TTC21B: variants seen among roughly 807,000 people sequenced by gnomAD.
TTC21B encodes tetratricopeptide repeat domain 21B.
TTC21B carries 127 observed loss-of-function variants against 175.1 expected under a neutral mutation model. That is an observed-to-expected ratio of 0.73 (90% CI 0.63 to 0.84). The LOEUF (loss-of-function observed/expected upper bound fraction) is 0.84. TTC21B is among the 40% of genes least tolerant of loss of function. The pLI is 0.00. For missense variants in TTC21B, 1,561 were observed against 1,558.3 expected (o/e 1.00, Z -0.03); for synonymous variants, 524 against 524.5 (o/e 1.00, Z 0.01).
At chr2:165,931,935 A>C (rs1258204199) in intron 7 of TTC21B, 79 bp from the exon 8 acceptor site, 10 of 911,434 alleles carry the variant, frequency 1.1e-5, no homozygotes, top group Non-Finnish European at 1.8e-5. Flanking sequence ...ACACTAACAA[A>C]GCATTACCCT....
In TTC21B at chr2:165,890,576, C is replaced by T; in HGVS notation, c.3166G>A (p.Gly1056Ser). 1 of 1,613,628 alleles carries T rather than the reference C, an allele frequency of 6.2e-7. No homozygotes were observed. The highest frequency in any genetic ancestry group is 8.5e-7 in the Non-Finnish European group (1 of 1,179,716). Reference sequence around the variant, plus strand: ...ATCATATTATAAAGGGCATTTTGGCCCCAGTCACGATCTTTCCGAGCTTTA... The same window carrying T: ...ATCATATTATAAAGGGCATTTTGGCTCCAGTCACGATCTTTCCGAGCTTTA... ...FNKARKDRDW[G>S]QNALYNMIEI... The change falls in exon 24 of 29, where the codon GGC becomes AGC. Residue 1056 changes from glycine to serine, a missense_variant. By Grantham distance (56) the Gly-to-Ser change is moderately conservative. Coordinates refer to ENST00000243344, the MANE Select transcript of TTC21B (RefSeq NM_024753.5).
chr2:165,940,983 A>G (rs751310723), intron 6 of TTC21B, 44 bp downstream of exon 6: 8 of 1,609,450 alleles, frequency 5.0e-6, no homozygotes, highest in East Asian at 4.5e-5. Context: ...TCTCAAAATT[A>G]TAACCAAATC....
At chr2:165,892,332 C>T (rs1391512328) in intron 22 of TTC21B, among the ~76,000 whole-genome samples, 6 of 152,108 alleles carry the variant, frequency 3.9e-5, no homozygotes, top group Non-Finnish European at 8.8e-5. Flanking sequence ...AAAGAGATGA[C>T]ACCATGTAAT....
At chr2:165,923,112 T>C (rs1002873048) in intron 12 of TTC21B, among the ~76,000 whole-genome samples, 1 of 152,046 alleles carries the variant, frequency 6.6e-6, no homozygotes, top group African/African-American at 2.4e-5. Flanking sequence ...GGGTGTGGGA[T>C]AGAAAGCTTC....
chr2:165,922,860 A>C (rs1686468892), intron 12 of TTC21B, among the ~76,000 whole-genome samples: 1 of 152,212 alleles, frequency 6.6e-6, no homozygotes, highest in Non-Finnish European at 1.5e-5. Context: ...ATGAGTGGAC[A>C]AATAAAATGT....
intron 5 of TTC21B, among the ~76,000 whole-genome samples, chr2:165,943,002 T>C (rs1410401481): frequency 5.9e-5 from 9 of 152,196 alleles, no homozygotes; most frequent in Admixed American, 5.9e-4. Flanking sequence ...CAATTAACAG[T>C]TACAGCTGAT....
intron 1 of TTC21B, chr2:165,949,962 C>CT: frequency 2.7e-6 from 1 of 376,100 alleles, no homozygotes; most frequent in Non-Finnish European, 4.7e-6. Context: ...ATTATTTTTC[C>CT]TAAGTTTTTG....
chr2:165,946,742 C>G lies in TTC21B; in HGVS notation c.263-1052G>C, dbSNP rs192002778. Among the ~76,000 whole-genome samples, 258 of 151,938 alleles carry G rather than the reference C, an allele frequency of 1.7e-3. 1 individual carries two copies. Among genetic ancestry groups the G allele is most frequent in the Non-Finnish European group, 3.2e-3 (218 of 67,960 alleles). ...ATCCCAACTACTTGGGAGGCTGAGG[C>G]AGGGAGAATTGCTTGAACCCAGGAG... On this transcript the variant is annotated intron_variant, in intron 3 of 28. Coordinates refer to ENST00000243344, the MANE Select transcript of TTC21B (RefSeq NM_024753.5).
chr2:165,950,944 G>A (rs1175785701), intron 1 of TTC21B, among the ~76,000 whole-genome samples: 1 of 152,028 alleles, frequency 6.6e-6, no homozygotes, highest in African/African-American at 2.4e-5. Context: ...GCTTCTGGAG[G>A]GCTATAGTCC....
At chr2:165,917,098 C>T (rs1034569704) in intron 14 of TTC21B, among the ~76,000 whole-genome samples, 159 bp downstream of exon 14, 5 of 152,104 alleles carry the variant, frequency 3.3e-5, no homozygotes, top group Admixed American at 2.0e-4. Context: ...AGGCTGGTCT[C>T]GAACTCCTGA....
At chr2:165,887,873 T>C (rs929721843) in intron 25 of TTC21B, among the ~76,000 whole-genome samples, 2 of 152,186 alleles carry the variant, frequency 1.3e-5, no homozygotes, top group African/African-American at 2.4e-5. Context: ...CATGTAGCTA[T>C]ATAGCTGGAA....
chr2:165,883,057 C>T (rs748917061), intron 26 of TTC21B, among the ~76,000 whole-genome samples: 10 of 151,876 alleles, frequency 6.6e-5, no homozygotes, highest in Non-Finnish European at 1.0e-4. Flanking sequence ...AAAAAATAAA[C>T]GGTCCATTTG....
chr2:165,916,246 G>C (rs903867176), intron 14 of TTC21B, among the ~76,000 whole-genome samples: 4 of 152,196 alleles, frequency 2.6e-5, no homozygotes, highest in African/African-American at 9.6e-5. Context: ...TGAGGAGACA[G>C]AGTGAGACCT....
chr2:165,888,140 T>G, intron 25 of TTC21B, 139 bp downstream of exon 25: 1 of 673,398 alleles, frequency 1.5e-6, no homozygotes, highest in East Asian at 2.7e-5. Context: ...ACATTGTGTA[T>G]GCCCAACTAT....
intron 27 of TTC21B, among the ~76,000 whole-genome samples, chr2:165,878,520 G>A (rs568981923): frequency 3.7e-4 from 56 of 151,996 alleles, no homozygotes; most frequent in African/African-American, 1.3e-3. Flanking sequence ...AATGATGTCG[G>A]TGTGTAGATG....
chr2:165,883,811 A>G lies in TTC21B; in HGVS notation c.3667T>C (p.Cys1223Arg). 1 of 1,613,762 alleles carries G rather than the reference A, an allele frequency of 6.2e-7. No homozygotes were observed. Among genetic ancestry groups the G allele is most frequent in the Non-Finnish European group, 8.5e-7 (1 of 1,179,664 alleles). The change falls in exon 26 of 29, where the codon TGC becomes CGC. Residue 1223 changes from cysteine (C) to arginine (R), a missense_variant. Transcript: ENST00000243344. ...TCACCTACTCTATTATGACGCAGGC[A>G]CCGTTTTAACAGGTCTTCTGCCATG... ...YDMAEDLLKR[C>R]LRHNRSCCKA...
intron 19 of TTC21B, among the ~76,000 whole-genome samples, chr2:165,906,978 GA>G (rs1375134643): frequency 3.4e-5 from 4 of 117,828 alleles, no homozygotes; most frequent in East Asian, 2.4e-4. Context: ...AAAAAAAAAA[GA>G]AAAAAAGAAT....
At chr2:165,934,500 C>CAAAAAAAAAAAAAAAAAAAAAA (rs369089707) in intron 6 of TTC21B, among the ~76,000 whole-genome samples, 1 of 71,900 alleles carries the variant, frequency 1.4e-5, no homozygotes. Context: ...GACTCTGTCT[C>CAAAAAAAAAAAAAAAAAAAAAA]AAAAAAAAAA....
intron 6 of TTC21B, among the ~76,000 whole-genome samples, chr2:165,936,333 T>C (rs911516484): frequency 1.3e-5 from 2 of 152,070 alleles, no homozygotes; most frequent in African/African-American, 4.8e-5. Context: ...CAGAGCTAAA[T>C]GTAAAACATA....
Sources: allele counts gnomAD v4.1 joint callset (sites outside exome capture counted in the v4.1 genomes callset), GRCh38; gene constraint gnomAD v4.1.1; transcripts MANE v1.5; gene names NCBI Gene and HGNC (gene_info 2026-07-23, HGNC 2026-07-21).